Variants in SLC24A3 observed in about 807,000 individuals in gnomAD.
The protein encoded by SLC24A3 is sodium/potassium/calcium exchanger 3.
A neutral mutation model predicts 75.8 loss-of-function variants in SLC24A3; 28 were observed. The observed-to-expected ratio is 0.37, with a 90% CI of 0.27 to 0.51. The LOEUF (loss-of-function observed/expected upper bound fraction) is 0.51. SLC24A3 is among the 20% of genes least tolerant of loss of function. The pLI is 0.94. For synonymous variants in SLC24A3, 372 were observed against 334.1 expected (o/e 1.11, Z -1.24); for missense variants, 663 against 847.8 (o/e 0.78, Z 2.71).
intron 2 of SLC24A3, among the ~76,000 whole-genome samples, chr20:19,315,085 A>G (rs1463529078): frequency 6.6e-6 from 1 of 152,152 alleles, no homozygotes; most frequent in Non-Finnish European, 1.5e-5. Context: ...GTTCTGTCCC[A>G]TCTGCTCTGT....
At chr20:19,644,307 C>A (rs940040210) in intron 6 of SLC24A3, among the ~76,000 whole-genome samples, 4 of 152,180 alleles carry the variant, frequency 2.6e-5, no homozygotes, top group Non-Finnish European at 5.9e-5. Flanking sequence ...ACCCTGAATT[C>A]TCTGTCCTCT....
chr20:19,535,632 C>A (rs1288302977), intron 3 of SLC24A3, among the ~76,000 whole-genome samples: 1 of 152,144 alleles, frequency 6.6e-6, no homozygotes, highest in Non-Finnish European at 1.5e-5. Flanking sequence ...GGGGCTTCCA[C>A]ATTTTTTATA....
intron 2 of SLC24A3, among the ~76,000 whole-genome samples, chr20:19,500,469 G>A (rs1600255125): frequency 6.6e-6 from 1 of 152,264 alleles, no homozygotes; most frequent in East Asian, 1.9e-4. Context: ...TCATATTTAT[G>A]TGAGCTAGGC....
Position 19,693,435 on chromosome 20 carries a change from A to G in SLC24A3, c.1491+10A>G, listed in dbSNP as rs113648362. ...CATGATGGTGTGGATGGTGAGTGCA[A>G]TCGGGACCCCATGGCACTGTTAAAT... On this transcript the variant is annotated intron_variant, in intron 13 of 16. Coordinates refer to ENST00000328041, the MANE Select transcript of SLC24A3 (RefSeq NM_020689.4). 1,198 of 1,613,594 alleles carry G rather than the reference A, an allele frequency of 7.4e-4. 9 individuals are homozygous for G. In the African/African-American group the frequency reaches 0.014, roughly 19 times the overall value.
chr20:19,666,453 C>T (rs2032400512), intron 8 of SLC24A3, among the ~76,000 whole-genome samples: 1 of 152,018 alleles, frequency 6.6e-6, no homozygotes, highest in Non-Finnish European at 1.5e-5. Flanking sequence ...TTGCAGTGAG[C>T]CAAGATCACA....
chr20:19,254,680 G>A (rs1333672969), intron 1 of SLC24A3, among the ~76,000 whole-genome samples: 1 of 152,230 alleles, frequency 6.6e-6, no homozygotes, highest in Admixed American at 6.5e-5. Flanking sequence ...GGCCACACAT[G>A]TTCCCTGGAG....
chr20:19,604,981 A>G (rs144002018), intron 6 of SLC24A3, among the ~76,000 whole-genome samples: 1 of 152,276 alleles, frequency 6.6e-6, no homozygotes, highest in Non-Finnish European at 1.5e-5. Flanking sequence ...AACGGATCCC[A>G]GGCTTTAGCA....
At chr20:19,558,527 A>G (rs2122607756) in intron 3 of SLC24A3, among the ~76,000 whole-genome samples, 1 of 152,262 alleles carries the variant, frequency 6.6e-6, no homozygotes, top group South Asian at 2.1e-4. Context: ...CCCACAGTGC[A>G]TTTGGTTGTT....
At chr20:19,307,212 A>G (rs1213336454) in intron 2 of SLC24A3, among the ~76,000 whole-genome samples, 1 of 152,196 alleles carries the variant, frequency 6.6e-6, no homozygotes, top group Non-Finnish European at 1.5e-5. Flanking sequence ...GTTATCATGA[A>G]GAGTAAATGA....
At chr20:19,518,346 C>G (rs921765459) in intron 3 of SLC24A3, among the ~76,000 whole-genome samples, 3 of 152,218 alleles carry the variant, frequency 2.0e-5, no homozygotes, top group South Asian at 4.1e-4. Flanking sequence ...TCTGAAGGAA[C>G]CTGCTGTCTT....
At chr20:19,234,080 T>G (rs181551930) in intron 1 of SLC24A3, among the ~76,000 whole-genome samples, 2 of 152,320 alleles carry the variant, frequency 1.3e-5, no homozygotes, top group Admixed American at 1.3e-4. Context: ...CTTTTGTAAA[T>G]GTTATTTTCT....
At position 19,287,004 on chromosome 20, in the gene SLC24A3, G is replaced by C. The variant is rs544581479; in HGVS notation, c.271+5917G>C. On this transcript the variant is annotated intron_variant, in intron 2 of 16. Coordinates refer to ENST00000328041, the MANE Select transcript of SLC24A3 (RefSeq NM_020689.4). ...TCACAGCTGTTGAGATTCTTAAGTG[G>C]AACAGATTTGGAACTAATGTGATCT... 3.3e-5 allele frequency among the ~76,000 whole-genome samples: 5 copies of C among 152,296 alleles called. No individual in the cohort carries two copies. In the East Asian group the frequency reaches 5.8e-4, roughly 18 times the overall value.
intron 3 of SLC24A3, among the ~76,000 whole-genome samples, chr20:19,535,344 C>T (rs2030376787): frequency 6.6e-6 from 1 of 152,184 alleles, no homozygotes; most frequent in African/African-American, 2.4e-5. Context: ...CAGCTGTCAG[C>T]AGTTAGACCA....
At chr20:19,533,112 A>G (rs765679017) in intron 3 of SLC24A3, among the ~76,000 whole-genome samples, 47 of 152,226 alleles carry the variant, frequency 3.1e-4, no homozygotes, top group Non-Finnish European at 2.4e-4. Context: ...TCCTGGGTCT[A>G]TCGGTTGACT....
In SLC24A3 at chr20:19,654,115, G is replaced by C. The variant is rs1412411797; in HGVS notation, c.666G>C (p.Leu222=). The C allele has an allele frequency of 1.3e-5, 21 of 1,613,638 alleles. No individual in the cohort carries two copies. The South Asian group carries it at 1.3e-4, about 10-fold the overall frequency. ...TGAGGGATTCTATTTACTACACGCT[G>C]TCTGTGATCGCGCTCATCGTGGTGA... The part of the protein sequence containing the change: ...CLLRDSIYYT[L]SVIALIVFIY... The change falls in exon 7 of 17, where the codon CTG becomes CTC. Residue 222 remains leucine (L), a synonymous_variant. Coordinates refer to ENST00000328041, the MANE Select transcript of SLC24A3 (RefSeq NM_020689.4).
At position 19,684,345 on chromosome 20, in the gene SLC24A3, G is replaced by A. The variant is rs773155402; in HGVS notation, c.1062+9G>A. 1.9e-6 allele frequency: 3 copies of A among 1,611,758 alleles called. No individual in the cohort carries two copies. Among genetic ancestry groups the A allele is most frequent in the Non-Finnish European group, 2.5e-6 (3 of 1,178,768 alleles). ...GCATGTTGATCAATGAGGTACCTGG[G>A]AAAGCACTGTCCACTGCCCACTGGA... On this transcript the variant is annotated intron_variant, in intron 11 of 16. Coordinates refer to ENST00000328041, the MANE Select transcript of SLC24A3 (RefSeq NM_020689.4).
At chr20:19,391,421 C>G (rs1052039877) in intron 2 of SLC24A3, among the ~76,000 whole-genome samples, 1 of 152,078 alleles carries the variant, frequency 6.6e-6, no homozygotes, top group Non-Finnish European at 1.5e-5. Flanking sequence ...TTTCAGATCT[C>G]CAAGGTGAAG....
intron 2 of SLC24A3, among the ~76,000 whole-genome samples, chr20:19,311,948 CTT>C (rs1984468847): frequency 6.6e-6 from 1 of 152,118 alleles, no homozygotes; most frequent in African/African-American, 2.4e-5. Flanking sequence ...CGCCCTTCCT[CTT>C]TCCTCTGTTG....
chr20:19,565,726 T>TG (rs2122615843), intron 3 of SLC24A3, among the ~76,000 whole-genome samples: 1 of 152,284 alleles, frequency 6.6e-6, no homozygotes, highest in African/African-American at 2.4e-5. Flanking sequence ...ATGGCACCTT[T>TG]AAATGAATGA....
Sources: allele counts gnomAD v4.1 joint callset (sites outside exome capture counted in the v4.1 genomes callset), GRCh38; gene constraint gnomAD v4.1.1; transcripts MANE v1.5; gene names NCBI Gene and HGNC (gene_info 2026-07-23, HGNC 2026-07-21).